PLEKHG2: variants seen among roughly 807,000 people sequenced by gnomAD.
PLEKHG2 encodes pleckstrin homology domain-containing family G member 2.
In PLEKHG2, 71 loss-of-function variants were observed where a neutral mutation model predicts 104.4. The observed-to-expected ratio is 0.68, with a 90% CI of 0.56 to 0.83. The LOEUF is 0.83. Ranked by LOEUF, PLEKHG2 falls within the 40% of genes least tolerant of loss-of-function variation. The pLI is 0.00. For missense variants in PLEKHG2, 1,730 were observed against 1,809.4 expected (o/e 0.96, Z 0.80); for synonymous variants, 728 against 737.0 (o/e 0.99, Z 0.20).
chr19:39,415,288 TG>T lies in PLEKHG2; in HGVS notation c.378+31del. The T allele has an allele frequency of 6.2e-7, 1 of 1,604,826 alleles. No individual in the cohort carries two copies. The highest frequency in any genetic ancestry group is 8.5e-7 in the Non-Finnish European group (1 of 1,175,450). ...AAGGCGGGCAGACACCAGAGGGCAG[TG>T]GGTACCCAGGCCAGCCCCTTGGCCC... On this transcript the variant is annotated intron_variant, in intron 3 of 18. Coordinates refer to ENST00000425673, the MANE Select transcript of PLEKHG2 (RefSeq NM_022835.3). The surrounding 1 kb of genome is among the most constrained non-coding windows in gnomAD (Gnocchi z 4.6).
intron 11 of PLEKHG2, 147 bp downstream of exon 11, chr19:39,419,150 C>A: frequency 1.4e-6 from 1 of 718,862 alleles, no homozygotes; most frequent in Non-Finnish European, 2.1e-6. Context: ...GGGTTTGAAT[C>A]TTAGCTCTAC....
At position 39,416,319 on chromosome 19, in the gene PLEKHG2, G is replaced by A. The variant is rs1267077709; in HGVS notation, c.480-29G>A. The A allele has an allele frequency of 7.5e-6, 12 of 1,610,646 alleles. No individual in the cohort carries two copies. The highest frequency in any genetic ancestry group is 1.7e-5 in the Admixed American group (1 of 59,930). ...CCATGGAGGGGTCGTGAAGGCAGGC[G>A]GTTCCTCACCCTCCCCTCTCCCCTG... On this transcript the variant is annotated intron_variant, in intron 4 of 18. Coordinates refer to ENST00000425673, the MANE Select transcript of PLEKHG2 (RefSeq NM_022835.3). This position sits in a 1 kb window ranked among gnomAD's most constrained non-coding sequence, Gnocchi z 4.5.
rs1568401076 is a variant in PLEKHG2, at chr19:39,424,717, C to T, written c.3584C>T (p.Thr1195Ile). 6.8e-6 allele frequency: 11 copies of T among 1,614,126 alleles called. No homozygotes were observed. Among genetic ancestry groups the T allele is most frequent in the Non-Finnish European group, 8.5e-6 (10 of 1,180,052 alleles). The change falls in exon 19 of 19, where the codon ACA (threonine) becomes ATA (isoleucine). Residue 1195 changes from threonine to isoleucine, a missense_variant. By Grantham distance (89) the Thr-to-Ile change is moderately conservative. Coordinates refer to ENST00000425673, the MANE Select transcript of PLEKHG2 (RefSeq NM_022835.3). ...ACAGATACACAGGTCCAAAAACTCA[C>T]ACCTTCGTTGGAGCAGAAGAGCCTC... ...SLTDTQVQKL[T>I]PSLEQKSLID...
At position 39,425,766 on chromosome 19, in the gene PLEKHG2, TC is replaced by T. The variant is rs2078774954; in HGVS notation, c.*473del. On this transcript the variant is annotated 3_prime_UTR_variant, in exon 19 of 19. Transcript: ENST00000425673. ...CCATTCCCTTGGCAATTTATACAGT[TC>T]ACGTCTCCCACCATCCGTTCATCTC... 1 of 185,152 alleles carries T rather than the reference TC, an allele frequency of 5.4e-6. No individual in the cohort carries two copies. Among genetic ancestry groups the T allele is most frequent in the Non-Finnish European group, 1.1e-5 (1 of 90,818 alleles). 11.5% of individuals were successfully genotyped at this position (185,152 alleles called of 1,614,324 possible). A position where few individuals can be genotyped will look rare whatever the true frequency, so the allele number is the denominator to read the frequency against.
chr19:39,415,168 G>A lies in PLEKHG2; in HGVS notation c.286G>A (p.Gly96Ser). Residue 96 changes from glycine to serine, a missense_variant, in exon 3 of 19, where the codon GGT (glycine) becomes AGT (serine). Coordinates refer to ENST00000425673, the MANE Select transcript of PLEKHG2 (RefSeq NM_022835.3). This position sits in a 1 kb window ranked among gnomAD's most constrained non-coding sequence, Gnocchi z 4.6. ...RLHLSPVGIPGSARPSRLERV... is the reference protein window; with the variant it reads ...RLHLSPVGIPSSARPSRLERV... ...ACATCTCTCTCCGGTGGGGATCCCA[G>A]GTTCAGCCAGACCCTCAAGGCTGGA... 1 of 1,596,762 alleles carries A rather than the reference G, an allele frequency of 6.3e-7. No homozygotes were observed.
Position 39,414,144 on chromosome 19 carries a change from G to A in PLEKHG2, c.58G>A (p.Gly20Ser). 6.4e-7 allele frequency: 1 copy of A among 1,551,564 alleles called. No homozygotes were observed. The highest frequency in any genetic ancestry group is 1.4e-5 in the African/African-American group (1 of 73,198). The change falls in exon 2 of 19, where the codon GGC becomes AGC. Residue 20 changes from glycine (G) to serine (S), a missense_variant. Transcript: ENST00000425673. Reference protein sequence around the residue: ...LSKPSPSLGCGRRGEVCDCGT... With the variant: ...LSKPSPSLGCSRRGEVCDCGT... Reference sequence around the variant, plus strand: ...CAAACCTAGCCCAAGCCTCGGGTGTGGCCGAAGAGGTGAAGTGTGTGACTG... The same window carrying A: ...CAAACCTAGCCCAAGCCTCGGGTGTAGCCGAAGAGGTGAAGTGTGTGACTG...
chr19:39,416,784 C>T lies in PLEKHG2; in HGVS notation c.594-66C>T, dbSNP rs2078611825. The T allele has an allele frequency of 2.6e-6, 4 of 1,525,476 alleles. No homozygotes were observed. Among genetic ancestry groups the T allele is most frequent in the Non-Finnish European group, 3.5e-6 (4 of 1,129,582 alleles). The allele number at this position is 1,525,476 out of a possible 1,614,324, so 94.5% of individuals were successfully genotyped here. A position where few individuals can be genotyped will look rare whatever the true frequency, so the allele number is the denominator to read the frequency against. ...TGACCCTTCCCAAACCCTGGCCCCT[C>T]CCTAACCCCTCTTGACCCCGCCCAC... is the stretch of plus-strand genomic sequence containing the variant. On this transcript the variant is annotated intron_variant, in intron 6 of 18. Transcript: ENST00000425673. The surrounding 1 kb of genome is among the most constrained non-coding windows in gnomAD (Gnocchi z 4.5).
Position 39,413,526 on chromosome 19 carries a change from G to A in PLEKHG2, c.-23+114G>A. On this transcript the variant is annotated intron_variant, in intron 1 of 18. Coordinates refer to ENST00000425673, the MANE Select transcript of PLEKHG2 (RefSeq NM_022835.3). This position sits in a 1 kb window ranked among gnomAD's most constrained non-coding sequence, Gnocchi z 4.5. ...GCCGAGGCGCCGGCGGGAGTTGGGG[G>A]CTGGAGGGGTGTGGGAAGGCGCTGG... The A allele has an allele frequency of 6.6e-6, 1 of 152,366 alleles. No individual in the cohort carries two copies. Among genetic ancestry groups the A allele is most frequent in the Non-Finnish European group, 1.5e-5 (1 of 68,108 alleles). 9.4% of individuals were successfully genotyped at this position (152,366 alleles called of 1,614,324 possible).
intron 11 of PLEKHG2, among the ~76,000 whole-genome samples, chr19:39,419,775 G>T (rs1416252671): frequency 6.6e-6 from 1 of 152,166 alleles, no homozygotes; most frequent in Non-Finnish European, 1.5e-5. Flanking sequence ...TACTCGGGAG[G>T]CTGAGGCAGG....
rs550415357 is a variant in PLEKHG2 at position 39,420,656 on chromosome 19, C to T, written c.1294C>T (p.His432Tyr). 44 of 1,614,170 alleles carry T rather than the reference C, an allele frequency of 2.7e-5. No homozygotes were observed. The highest frequency in any genetic ancestry group is 2.7e-4 in the Admixed American group (16 of 60,018). Reference protein sequence around the residue: ...AKQVLLENSLHCAPKSKPVLE... With the variant: ...AKQVLLENSLYCAPKSKPVLE... ...GCAAGTTCTCCTTGAAAACAGCCTG[C>T]ATTGTGAGTTGGGGCCTTGGGCTGG... The change falls in exon 12 of 19, where the codon CAT becomes TAT. Residue 432 changes from histidine (H) to tyrosine (Y), a missense_variant. By Grantham distance (83) the His-to-Tyr change is moderately conservative. Coordinates refer to ENST00000425673, the MANE Select transcript of PLEKHG2 (RefSeq NM_022835.3).
At position 39,423,254 on chromosome 19, in the gene PLEKHG2, G is replaced by A. The variant is rs61730570; in HGVS notation, c.2200G>A (p.Glu734Lys). 1.3e-3 allele frequency: 2,125 copies of A among 1,614,074 alleles called. 20 individuals carry two copies. In the African/African-American group the frequency reaches 0.024, roughly 18 times the overall value. Residue 734 changes from glutamate (E) to lysine (K), a missense_variant, in exon 18 of 19, where the codon GAG becomes AAG. By Grantham distance (56) the Glu-to-Lys change is moderately conservative. Transcript: ENST00000425673. ...PPSGGKAGPE[E>K]DEEGVSFTDF... Reference sequence around the variant, plus strand: ...TTCAGGAGGCAAGGCAGGGCCAGAGGAGGATGAAGAAGGGGTATCATTCAC... The same window carrying A: ...TTCAGGAGGCAAGGCAGGGCCAGAGAAGGATGAAGAAGGGGTATCATTCAC...
chr19:39,421,610 C>G, intron 16 of PLEKHG2: 1 of 447,320 alleles, frequency 2.2e-6, no homozygotes, highest in Non-Finnish European at 4.1e-6. Context: ...ATTGCTTGAG[C>G]CTGGGAGGCA....
Position 39,417,916 on chromosome 19 carries a change from G to A in PLEKHG2, c.894G>A (p.Arg298=). Residue 298 remains arginine (R), a synonymous_variant, in exon 9 of 19, where the codon CGG becomes CGA. Transcript: ENST00000425673. ...EHAARLQEVQ[R]RLGGWTGPEL... is the part of the protein sequence containing the mutation. ...CGGGGTCCCGGCAGGAAGTGCAGCG[G>A]CGGCTGGGTGGCTGGACCGGACCAG... is the stretch of plus-strand genomic sequence containing the variant. The A allele has an allele frequency of 6.5e-7, 1 of 1,541,384 alleles. No homozygotes were observed. Among genetic ancestry groups the A allele is most frequent in the Non-Finnish European group, 8.7e-7 (1 of 1,145,332 alleles).
In PLEKHG2 at chr19:39,424,581, C is replaced by T. The variant is rs1224267167; in HGVS notation, c.3448C>T (p.Gln1150Ter). ...AGCTACCACACCTTTGCCCCTGCCA[C>T]AAGTCCTCACAGACATCTGGGTCCA... ...VPATTPLPLPQVLTDIWVQAL... is the reference protein window; with the variant it reads ...VPATTPLPLP Residue 1150 changes from glutamine (Q) to a stop codon, truncating the protein, a stop_gained, in exon 19 of 19, where the codon CAA becomes TAA. Coordinates refer to ENST00000425673, the MANE Select transcript of PLEKHG2 (RefSeq NM_022835.3). LOFTEE classifies it low-confidence loss of function (END_TRUNC). 6.2e-7 allele frequency: 1 copy of T among 1,614,160 alleles called. No homozygotes were observed. The highest frequency in any genetic ancestry group is 8.5e-7 in the Non-Finnish European group (1 of 1,180,038).
Position 39,425,160 on chromosome 19 carries a change from G to T in PLEKHG2, c.4027G>T (p.Val1343Leu), listed in dbSNP as rs757528167. ...CTATGCCACGACGGTTAACATCCACGTGGGCGGGGGTGGGCGGCTGCGGCC... is the reference window on the plus strand; with the variant it reads ...CTATGCCACGACGGTTAACATCCACTTGGGCGGGGGTGGGCGGCTGCGGCC... ...LSYATTVNIH[V>L]GGGGRLRPAK... The change falls in exon 19 of 19, where the codon GTG (valine) becomes TTG (leucine). Residue 1343 changes from valine to leucine, a missense_variant. Physicochemically the swap from Val to Leu is conservative, Grantham distance 32. Transcript: ENST00000425673. The T allele has an allele frequency of 2.5e-6, 4 of 1,594,564 alleles. No individual in the cohort carries two copies. Among genetic ancestry groups the T allele is most frequent in the Non-Finnish European group, 3.4e-6 (4 of 1,172,764 alleles).
chr19:39,425,342 T>C lies in PLEKHG2; in HGVS notation c.*48T>C. ...AAGCAAGGATTTCAGCCAGATGCCATAGACCCTCAGAACTTGACCTGGAAG... is the reference window on the plus strand; with the variant it reads ...AAGCAAGGATTTCAGCCAGATGCCACAGACCCTCAGAACTTGACCTGGAAG... On this transcript the variant is annotated 3_prime_UTR_variant, in exon 19 of 19. Coordinates refer to ENST00000425673, the MANE Select transcript of PLEKHG2 (RefSeq NM_022835.3). The C allele has an allele frequency of 1.9e-6, 3 of 1,567,154 alleles. No individual in the cohort carries two copies. The highest frequency in any genetic ancestry group is 1.7e-6 in the Non-Finnish European group (2 of 1,160,170).
Position 39,422,104 on chromosome 19 carries a change from C to T in PLEKHG2, c.1504-11C>T. 1 of 1,600,516 alleles carries T rather than the reference C, an allele frequency of 6.2e-7. No individual in the cohort carries two copies. Among genetic ancestry groups the T allele is most frequent in the Non-Finnish European group, 8.5e-7 (1 of 1,173,576 alleles). On this transcript the variant is annotated splice_polypyrimidine_tract_variant and intron_variant, in intron 16 of 18. Transcript: ENST00000425673. Reference sequence around the variant, plus strand: ...TTGGCTCTTGCCTTCCATTGCTTTCCCTCCTCACAGCACGCTGGCAGCGAA... The same window carrying T: ...TTGGCTCTTGCCTTCCATTGCTTTCTCTCCTCACAGCACGCTGGCAGCGAA...
In PLEKHG2 at chr19:39,423,869, G is replaced by A. The variant is rs372076489; in HGVS notation, c.2736G>A (p.Pro912=). The change falls in exon 19 of 19, where the codon CCG becomes CCA. Residue 912 remains proline (P), a synonymous_variant. Transcript: ENST00000425673. The stretch of plus-strand genomic sequence containing the variant: ...CTTTGTCAAAGCAGGGAGGCAGCCC[G>A]GATGGCCAGGGTCTACATGTTTCCA... The part of the protein sequence containing the change: ...AIPLSKQGGS[P]DGQGLHVSNL... 63 of 1,614,060 alleles carry A rather than the reference G, an allele frequency of 3.9e-5. No homozygotes were observed. Among genetic ancestry groups the A allele is most frequent in the Non-Finnish European group, 5.2e-5 (61 of 1,180,042 alleles).
In PLEKHG2 at chr19:39,422,803, C is replaced by T; in HGVS notation, c.1749C>T (p.Phe583=). The change falls in exon 18 of 19, where the codon TTC becomes TTT. Residue 583 remains phenylalanine (F), a synonymous_variant. Transcript: ENST00000425673. ...QVPGDSETLT[F]QALPSRDSSE... is the part of the protein sequence containing the mutation. ...CTGGCGACAGCGAAACCCTCACATT[C>T]CAAGCCCTGCCCAGCCGGGACTCTT... 2.6e-6 allele frequency: 4 copies of T among 1,536,366 alleles called. No individual in the cohort carries two copies. Among genetic ancestry groups the T allele is most frequent in the Non-Finnish European group, 3.5e-6 (4 of 1,143,648 alleles).
Sources: gnomAD v4.1 joint callset for allele counts (sites outside exome capture counted in the v4.1 genomes callset) on GRCh38, gnomAD v4.1.1 for gene constraint, Gnocchi (gnomAD v3.1) non-coding constraint, MANE v1.5 for transcripts, NCBI Gene and HGNC (gene_info 2026-07-23, HGNC 2026-07-21) for gene names.